RNF121: variants seen among roughly 807,000 people sequenced by gnomAD.
The protein encoded by RNF121 is E3 ubiquitin ligase RNF121.
In RNF121, 21 loss-of-function variants were observed where a neutral mutation model predicts 46.5. The observed-to-expected ratio is 0.45, with a 90% confidence interval of 0.32 to 0.65. The LOEUF (loss-of-function observed/expected upper bound fraction) is 0.65, where lower values mean the gene tolerates loss of function less well. Among genes scored for constraint, RNF121 ranks in the 30% least tolerant of loss-of-function variants. The pLI is 0.04. For synonymous variants in RNF121, 139 were observed against 144.7 expected (o/e 0.96, Z 0.28); for missense variants, 346 against 416.0 (o/e 0.83, Z 1.46).
intron 4 of RNF121, among the ~76,000 whole-genome samples, chr11:71,986,080 A>G (rs1954767314): frequency 6.6e-6 from 1 of 152,152 alleles, no homozygotes; most frequent in African/African-American, 2.4e-5. Flanking sequence ...GAACAACCCC[A>G]TTCTACTTCA....
chr11:71,978,929 T>G (rs1304119020), intron 3 of RNF121, among the ~76,000 whole-genome samples: 1 of 152,234 alleles, frequency 6.6e-6, no homozygotes, highest in Non-Finnish European at 1.5e-5. Flanking sequence ...ATCATTTCAG[T>G]GTATCATTTC....
intron 3 of RNF121, among the ~76,000 whole-genome samples, chr11:71,982,459 T>C (rs1304227700): frequency 6.6e-6 from 1 of 151,326 alleles, no homozygotes; most frequent in African/African-American, 2.4e-5. Context: ...CTCAAAAGGA[T>C]GGACACTGAA....
At chr11:71,963,613 C>T (rs894707590) in intron 3 of RNF121, among the ~76,000 whole-genome samples, 1 of 151,236 alleles carries the variant, frequency 6.6e-6, no homozygotes, top group Admixed American at 6.6e-5. Context: ...AGCAAGACTC[C>T]TTCCCAAAAA....
chr11:71,943,495 G>A (rs1308963371), intron 1 of RNF121, among the ~76,000 whole-genome samples: 1 of 152,180 alleles, frequency 6.6e-6, no homozygotes, highest in South Asian at 2.1e-4. Context: ...CATTTGTTAC[G>A]CCAGCCTCGT....
chr11:71,992,716 T>C lies in RNF121; in HGVS notation c.627+1999T>C, dbSNP rs547713385. On this transcript the variant is annotated intron_variant, in intron 6 of 8. Coordinates refer to ENST00000361756, the MANE Select transcript of RNF121 (RefSeq NM_018320.5). The stretch of plus-strand genomic sequence containing the variant: ...ATTTCTGATTCGGCAACTGCTTGGA[T>C]GGTAGTACCTTTCACTGAGATAGGA... Among the ~76,000 whole-genome samples, 13 of 152,372 alleles carry C rather than the reference T, an allele frequency of 8.5e-5. No homozygotes were observed. The South Asian group carries it at 2.1e-3, about 24-fold the overall frequency.
intron 4 of RNF121, among the ~76,000 whole-genome samples, chr11:71,984,102 T>A (rs1239952046): frequency 6.6e-6 from 1 of 152,202 alleles, no homozygotes; most frequent in Non-Finnish European, 1.5e-5. Flanking sequence ...AGCCTTGAAG[T>A]CTTCATCCCT....
Position 71,982,864 on chromosome 11 carries a change from C to T in RNF121, c.347C>T (p.Ala116Val), listed in dbSNP as rs1954692053. The change falls in exon 4 of 9, where the codon GCC (alanine) becomes GTC (valine). Residue 116 changes from alanine to valine, a missense_variant. Transcript: ENST00000361756. ...VIWILFSAVT[A>V]FVTFRATRKP... is the part of the protein sequence containing the mutation. ...TGGATCTTGTTCTCTGCTGTCACAG[C>T]CTTTGTTACCTTCCGAGCCACCCGA... The T allele has an allele frequency of 1.2e-6, 2 of 1,613,726 alleles. No homozygotes were observed. The highest frequency in any genetic ancestry group is 1.3e-5 in the African/African-American group (1 of 74,892).
intron 1 of RNF121, among the ~76,000 whole-genome samples, chr11:71,943,255 CT>C (rs1247004446): frequency 3.9e-5 from 6 of 152,074 alleles, no homozygotes; most frequent in African/African-American, 1.2e-4. Flanking sequence ...ATCAAGCTTG[CT>C]TTTATATTTT....
intron 1 of RNF121, 34 bp from the exon 2 acceptor site, chr11:71,957,193 A>C: frequency 1.4e-6 from 2 of 1,458,022 alleles, no homozygotes; most frequent in East Asian, 2.3e-5. Context: ...GTTTTAAGAC[A>C]GTAACGGATT....
chr11:71,954,487 T>C (rs771898394), intron 1 of RNF121, among the ~76,000 whole-genome samples: 7 of 152,202 alleles, frequency 4.6e-5, no homozygotes, highest in Non-Finnish European at 8.8e-5. Context: ...TTCAATTATC[T>C]CTGGCCTCTT....
intron 1 of RNF121, among the ~76,000 whole-genome samples, chr11:71,956,994 CT>C (rs1377167842): frequency 2.6e-5 from 4 of 152,190 alleles, no homozygotes; most frequent in South Asian, 2.1e-4. Context: ...CTCCTCTGCC[CT>C]TATTGCCTAG....
At chr11:71,986,154 C>T (rs1163138723) in intron 4 of RNF121, among the ~76,000 whole-genome samples, 1 of 152,184 alleles carries the variant, frequency 6.6e-6, no homozygotes, top group East Asian at 1.9e-4. Context: ...CCTTCTCCCT[C>T]AGAAGAAAAT....
intron 4 of RNF121, among the ~76,000 whole-genome samples, chr11:71,984,507 C>T (rs563901860): frequency 3.3e-5 from 5 of 151,940 alleles, no homozygotes; most frequent in Non-Finnish European, 7.4e-5. Context: ...GTCTCGATCT[C>T]CTGACCTCAT....
chr11:71,996,417 G>A lies in RNF121; in HGVS notation c.*102G>A. 1 of 1,451,662 alleles carries A rather than the reference G, an allele frequency of 6.9e-7. No individual in the cohort carries two copies. The highest frequency in any genetic ancestry group is 9.3e-7 in the Non-Finnish European group (1 of 1,072,360). The allele number at this position is 1,451,662 out of a possible 1,614,324, so 89.9% of individuals were successfully genotyped here. ...CTCCTGGGTGGGAAAGACTCAAAGG[G>A]GTGCTTGGGCCACTCAGGACCCCTC... On this transcript the variant is annotated 3_prime_UTR_variant, in exon 9 of 9. Transcript: ENST00000361756.
chr11:71,995,697 C>T lies in RNF121; in HGVS notation c.863+146C>T, dbSNP rs1954960989. Reference sequence around the variant, plus strand: ...CATGGTGGGAAGCTGAGCTGCTAGTCCTGCCCCCATGATACAACCCCAGTT... The same window carrying T: ...CATGGTGGGAAGCTGAGCTGCTAGTTCTGCCCCCATGATACAACCCCAGTT... On this transcript the variant is annotated intron_variant, in intron 8 of 8. Transcript: ENST00000361756. 3 of 660,204 alleles carry T rather than the reference C, an allele frequency of 4.5e-6. No homozygotes were observed. In the East Asian group the frequency reaches 8.2e-5, roughly 18 times the overall value. The allele number at this position is 660,204 out of a possible 1,614,324, so 40.9% of individuals were successfully genotyped here.
intron 1 of RNF121, among the ~76,000 whole-genome samples, chr11:71,934,758 T>C (rs1256030865): frequency 6.6e-6 from 1 of 152,132 alleles, no homozygotes; most frequent in Non-Finnish European, 1.5e-5. Context: ...AGTGGGTTCA[T>C]ATTCTAGACT....
In RNF121 at chr11:71,968,162, C is replaced by T. The variant is rs560730564; in HGVS notation, c.243+7271C>T. Among the ~76,000 whole-genome samples, 357 of 151,868 alleles carry T rather than the reference C, an allele frequency of 2.4e-3. 1 individual carries two copies. Among genetic ancestry groups the T allele is most frequent in the Non-Finnish European group, 3.7e-3 (254 of 67,956 alleles). On this transcript the variant is annotated intron_variant, in intron 3 of 8. Coordinates refer to ENST00000361756, the MANE Select transcript of RNF121 (RefSeq NM_018320.5). Reference sequence around the variant, plus strand: ...CTGCAACCTCTGCCCCCGGTTCAAGCGATTCTCCTGCCTCAGCCTCCCAAG... The same window carrying T: ...CTGCAACCTCTGCCCCCGGTTCAAGTGATTCTCCTGCCTCAGCCTCCCAAG...
intron 2 of RNF121, among the ~76,000 whole-genome samples, chr11:71,959,150 A>G (rs1320568570): frequency 6.6e-6 from 1 of 152,168 alleles, no homozygotes; most frequent in Admixed American, 6.5e-5. Context: ...CGAACTCCCA[A>G]TCCTATTCTC....
chr11:71,947,560 AAAG>A (rs1434388253), intron 1 of RNF121, among the ~76,000 whole-genome samples: 2 of 152,144 alleles, frequency 1.3e-5, no homozygotes, highest in African/African-American at 2.4e-5. Context: ...GGCAGCAGCC[AAAG>A]AAAGCACTGA....
Sources: gnomAD v4.1 joint callset for allele counts (sites outside exome capture counted in the v4.1 genomes callset) on GRCh38, gnomAD v4.1.1 for gene constraint, MANE v1.5 for transcripts, NCBI Gene and HGNC (gene_info 2026-07-23, HGNC 2026-07-21) for gene names.